Variants in AKAP13 observed in about 807,000 individuals in gnomAD.
The protein encoded by AKAP13 is A-kinase anchor protein 13.
In AKAP13, 80 loss-of-function variants were observed where a neutral mutation model predicts 264.5. The ratio of observed to expected loss-of-function variants is 0.30; its 90% CI spans 0.25 to 0.36. The LOEUF (loss-of-function observed/expected upper bound fraction) is 0.36, where lower values mean the gene tolerates loss of function less well. Ranked by LOEUF, AKAP13 falls within the 10% of genes least tolerant of loss-of-function variation. The pLI, the probability that AKAP13 is intolerant of heterozygous loss-of-function variation, is 1.00. For synonymous variants in AKAP13, 1,380 were observed against 1,250.2 expected (o/e 1.10, Z -2.19); for missense variants, 3,712 against 3,435.2 (o/e 1.08, Z -2.01).
intron 33 of AKAP13, among the ~76,000 whole-genome samples, chr15:85,738,922 G>A (rs551033877): frequency 4.5e-4 from 68 of 150,768 alleles, no homozygotes; most frequent in African/African-American, 1.5e-3. Flanking sequence ...TTGTATATGT[G>A]TGAATAGTAC....
chr15:85,648,043 T>C (rs1184038758), intron 10 of AKAP13, among the ~76,000 whole-genome samples: 1 of 152,058 alleles, frequency 6.6e-6, no homozygotes, highest in Non-Finnish European at 1.5e-5. Flanking sequence ...TTTAATAATA[T>C]CAGAATTTAG....
intron 4 of AKAP13, among the ~76,000 whole-genome samples, chr15:85,537,893 C>T (rs1234790591): frequency 6.6e-6 from 1 of 152,152 alleles, no homozygotes; most frequent in Admixed American, 6.5e-5. Context: ...TAAATATGAA[C>T]AGGAGGGAGT....
intron 5 of AKAP13, among the ~76,000 whole-genome samples, chr15:85,573,856 A>AATG (rs2078911966): frequency 6.6e-6 from 1 of 152,230 alleles, no homozygotes; most frequent in Non-Finnish European, 1.5e-5. Context: ...TTTTTAAATG[A>AATG]ATGAAAGAGT....
chr15:85,597,596 A>C (rs901013496), intron 8 of AKAP13, among the ~76,000 whole-genome samples: 1 of 152,148 alleles, frequency 6.6e-6, no homozygotes, highest in Non-Finnish European at 1.5e-5. Flanking sequence ...AGCTGTGTGC[A>C]TCTGCTGCAC....
chr15:85,420,064 C>T (rs1161502590), intron 1 of AKAP13, among the ~76,000 whole-genome samples: 9 of 150,624 alleles, frequency 6.0e-5, no homozygotes, highest in Admixed American at 3.3e-4. Flanking sequence ...GCCTCAGCCT[C>T]CCAAGTAGCT....
At position 85,449,595 on chromosome 15, in the gene AKAP13, C is replaced by G. The variant is rs374358457; in HGVS notation, c.-11-36115C>G. 6.6e-5 allele frequency among the ~76,000 whole-genome samples: 10 copies of G among 152,254 alleles called. No individual in the cohort carries two copies. The East Asian group carries it at 1.7e-3, about 26-fold the overall frequency. ...GCTCTTACTATTTTGAGGTATGTTC[C>G]TTCAATACCTAGTTTATTGAGAGTT... On this transcript the variant is annotated intron_variant, in intron 1 of 36. Coordinates refer to ENST00000394518, the MANE Select transcript of AKAP13 (RefSeq NM_007200.5).
At chr15:85,709,291 A>G (rs1216330290) in intron 18 of AKAP13, among the ~76,000 whole-genome samples, 1 of 151,962 alleles carries the variant, frequency 6.6e-6, no homozygotes, top group South Asian at 2.1e-4. Flanking sequence ...TTTATTTATT[A>G]TTATATAGTT....
intron 1 of AKAP13, among the ~76,000 whole-genome samples, chr15:85,394,720 G>A (rs2071031694): frequency 6.6e-6 from 1 of 152,154 alleles, no homozygotes; most frequent in African/African-American, 2.4e-5. Context: ...TCACATAATT[G>A]ACTGTGTGAC....
rs184897174 is a variant in AKAP13 at position 85,635,541 on chromosome 15, T to G, written c.4162-3833T>G. On this transcript the variant is annotated intron_variant, in intron 8 of 36. Transcript: ENST00000394518. ...CCTTTTTGTTTTCCTAACAGTGGCT[T>G]TTGAGGAGTAAAAGTTTTTAAGGTT... Among the ~76,000 whole-genome samples the G allele has an allele frequency of 1.2e-3, 184 of 152,270 alleles. 3 individuals carry two copies. In the East Asian group the frequency reaches 0.031, roughly 26 times the overall value.
chr15:85,471,680 C>A (rs140960233), intron 1 of AKAP13, among the ~76,000 whole-genome samples: 95 of 152,306 alleles, frequency 6.2e-4, no homozygotes, highest in African/African-American at 1.9e-3. Flanking sequence ...GTAATCGCCT[C>A]CCCCCATCCC....
intron 8 of AKAP13, among the ~76,000 whole-genome samples, chr15:85,588,234 T>C (rs1481352694): frequency 1.3e-5 from 2 of 152,204 alleles, no homozygotes; most frequent in Admixed American, 1.3e-4. Context: ...CCTTGTTGTA[T>C]TGGAGTACTG....
intron 8 of AKAP13, among the ~76,000 whole-genome samples, chr15:85,599,664 A>G (rs2079967933): frequency 6.6e-6 from 1 of 152,162 alleles, no homozygotes; most frequent in Non-Finnish European, 1.5e-5. Flanking sequence ...TTATACTGCC[A>G]TTTGTCTGTT....
chr15:85,505,262 C>T (rs1399979514), intron 2 of AKAP13, among the ~76,000 whole-genome samples: 5 of 152,184 alleles, frequency 3.3e-5, no homozygotes, highest in East Asian at 3.8e-4. Context: ...ATTTATTGAG[C>T]GCCATCTGCT....
intron 5 of AKAP13, among the ~76,000 whole-genome samples, chr15:85,564,772 C>T (rs569137156): frequency 5.3e-5 from 8 of 152,166 alleles, no homozygotes; most frequent in Non-Finnish European, 8.8e-5. Flanking sequence ...TATTTGTACT[C>T]TTCTGCCCTG....
At chr15:85,393,522 A>G (rs1401991376) in intron 1 of AKAP13, among the ~76,000 whole-genome samples, 1 of 152,248 alleles carries the variant, frequency 6.6e-6, no homozygotes, top group East Asian at 1.9e-4. Flanking sequence ...TGTCCAGTCT[A>G]GAGAGGTTTT....
At chr15:85,507,628 G>A (rs1166347481) in intron 2 of AKAP13, among the ~76,000 whole-genome samples, 2 of 152,228 alleles carry the variant, frequency 1.3e-5, no homozygotes, top group African/African-American at 4.8e-5. Context: ...TTTGCCCCAA[G>A]ACAGAGGGCA....
intron 9 of AKAP13, 26 bp from the exon 10 acceptor site, chr15:85,645,791 TA>T (rs1555454672): frequency 7.0e-7 from 1 of 1,436,012 alleles, no homozygotes; most frequent in Non-Finnish European, 9.4e-7. Context: ...TTTTTTTCAA[TA>T]TTGGTGAATA....
chr15:85,698,691 C>T (rs572033075), intron 17 of AKAP13, among the ~76,000 whole-genome samples: 5 of 152,104 alleles, frequency 3.3e-5, no homozygotes, highest in Admixed American at 2.0e-4. Flanking sequence ...TGCCTGTAAT[C>T]CCAGCACTTT....
Position 85,579,618 on chromosome 15 carries a change from G to A in AKAP13, c.1550G>A (p.Gly517Glu), listed in dbSNP as rs749767494. The stretch of plus-strand genomic sequence containing the variant: ...GAGAACTCTAATATTGGCACAGCTG[G>A]AGCCTCTGACGTGCACGTCACAAGT... ...RFENSNIGTA[G>E]ASDVHVTSKP... Residue 517 changes from glycine (G) to glutamate (E), a missense_variant, in exon 7 of 37, where the codon GGA (glycine) becomes GAA (glutamate). Physicochemically the swap from Gly to Glu is moderately conservative, Grantham distance 98. This residue lies in a region of AKAP13 where 2,759 missense variants were observed against 2,411.7 expected (regional missense o/e 1.14). Coordinates refer to ENST00000394518, the MANE Select transcript of AKAP13 (RefSeq NM_007200.5). The A allele has an allele frequency of 1.3e-5, 21 of 1,614,104 alleles. No homozygotes were observed. The highest frequency in any genetic ancestry group is 4.2e-6 in the Non-Finnish European group (5 of 1,180,040).
Sources: allele counts gnomAD v4.1 joint callset (sites outside exome capture counted in the v4.1 genomes callset), GRCh38; gene constraint gnomAD v4.1.1; regional missense constraint gnomAD v4.1.1; transcripts MANE v1.5; gene names NCBI Gene and HGNC (gene_info 2026-07-23, HGNC 2026-07-21).